COBL: variants seen among roughly 807,000 people sequenced by gnomAD.
COBL encodes protein cordon-bleu.
In COBL, 51 loss-of-function variants were observed where a neutral mutation model predicts 98.8. The ratio of observed to expected loss-of-function variants is 0.52; its 90% CI spans 0.41 to 0.65. The LOEUF (loss-of-function observed/expected upper bound fraction) is 0.65. Ranked by LOEUF, COBL falls within the 30% of genes least tolerant of loss-of-function variation. COBL has a pLI of 0.00. For missense variants in COBL, 1,617 were observed against 1,617.5 expected (o/e 1.00, Z 0.01); for synonymous variants, 634 against 651.7 (o/e 0.97, Z 0.41).
At chr7:51,095,217 TG>T (rs1244761207) in intron 6 of COBL, among the ~76,000 whole-genome samples, 13 of 152,188 alleles carry the variant, frequency 8.5e-5, no homozygotes, top group Admixed American at 6.5e-4. Context: ...AGACAGCATG[TG>T]CAGGGGAACT....
At chr7:51,254,518 G>A (rs1421710501) in intron 1 of COBL, among the ~76,000 whole-genome samples, 1 of 152,056 alleles carries the variant, frequency 6.6e-6, no homozygotes, top group Non-Finnish European at 1.5e-5. Context: ...ACAACATCCT[G>A]GTAATGTGCA....
Position 51,017,312 on chromosome 7 carries a change from CTT to C in COBL, c.*237_*238del. 1 of 597,478 alleles carries C rather than the reference CTT, an allele frequency of 1.7e-6. No individual in the cohort carries two copies. Among genetic ancestry groups the C allele is most frequent in the Non-Finnish European group, 3.0e-6 (1 of 335,082 alleles). 37.0% of individuals were successfully genotyped at this position (597,478 alleles called of 1,614,324 possible). A position where few individuals can be genotyped will look rare whatever the true frequency, so the allele number is the denominator to read the frequency against. ...GCCAACAAGAATCGTTTATTAGCAACTTAAGATATTCAGAGGCAAAACACATT... is the reference window on the plus strand; with the variant it reads ...GCCAACAAGAATCGTTTATTAGCAACAAGATATTCAGAGGCAAAACACATT... On this transcript the variant is annotated 3_prime_UTR_variant, in exon 13 of 13. Transcript: ENST00000265136.
intron 7 of COBL, among the ~76,000 whole-genome samples, chr7:51,074,875 A>G (rs1792909104): frequency 6.6e-6 from 1 of 152,242 alleles, no homozygotes; most frequent in African/African-American, 2.4e-5. Context: ...TAAGTAGCAC[A>G]AAATTTATAA....
At chr7:51,201,781 G>A (rs1791153025) in intron 2 of COBL, among the ~76,000 whole-genome samples, 1 of 151,840 alleles carries the variant, frequency 6.6e-6, no homozygotes, top group South Asian at 2.1e-4. Flanking sequence ...ATAATGGAAT[G>A]ACATTAGCAA....
intron 12 of COBL, among the ~76,000 whole-genome samples, chr7:51,023,703 C>T (rs377067994): frequency 2.0e-5 from 3 of 152,204 alleles, no homozygotes; most frequent in Non-Finnish European, 4.4e-5. Flanking sequence ...CTCAGTGCCC[C>T]GAGGCTTCTG....
chr7:51,136,336 TG>T lies in COBL; in HGVS notation c.784-6del, dbSNP rs1799239622. 8.7e-6 allele frequency: 14 copies of T among 1,608,452 alleles called. No individual in the cohort carries two copies. Among genetic ancestry groups the T allele is most frequent in the Non-Finnish European group, 1.2e-5 (14 of 1,178,056 alleles). On this transcript the variant is annotated splice_polypyrimidine_tract_variant and splice_region_variant and intron_variant, in intron 5 of 12. Transcript: ENST00000265136. ...GTTGGGGGTCGTTAAACAGCCCTGTTGGGGAAGAGACAAACAGAAAACCAAA... is the reference window on the plus strand; with the variant it reads ...GTTGGGGGTCGTTAAACAGCCCTGTTGGGAAGAGACAAACAGAAAACCAAA...
At chr7:51,198,494 T>A (rs1440679529) in intron 2 of COBL, among the ~76,000 whole-genome samples, 2 of 152,206 alleles carry the variant, frequency 1.3e-5, no homozygotes, top group Non-Finnish European at 2.9e-5. Flanking sequence ...TTAGGAGGGA[T>A]CTTCTTGTGA....
At chr7:51,046,652 G>A (rs1177338865) in intron 7 of COBL, among the ~76,000 whole-genome samples, 3 of 151,964 alleles carry the variant, frequency 2.0e-5, no homozygotes, top group African/African-American at 7.3e-5. Context: ...AATGCTAAAC[G>A]GAAACTCAGA....
At chr7:51,252,994 G>A (rs1013850863) in intron 1 of COBL, among the ~76,000 whole-genome samples, 4 of 152,026 alleles carry the variant, frequency 2.6e-5, no homozygotes, top group Non-Finnish European at 4.4e-5. Flanking sequence ...AGGCCGAGGC[G>A]GGCAGATCAC....
chr7:51,242,158 A>G, intron 1 of COBL, among the ~76,000 whole-genome samples: 1 of 152,168 alleles, frequency 6.6e-6, no homozygotes, highest in Non-Finnish European at 1.5e-5. Context: ...AGAAGTTTGC[A>G]TAGGGTGTAA....
chr7:51,261,448 T>C (rs926731052), intron 1 of COBL, among the ~76,000 whole-genome samples: 2 of 152,188 alleles, frequency 1.3e-5, no homozygotes, highest in Admixed American at 6.5e-5. Flanking sequence ...ACAGTAAATA[T>C]CTGTGCAATG....
In COBL at chr7:51,065,684, C is replaced by T. The variant is rs575730313; in HGVS notation, c.1096+19482G>A. Among the ~76,000 whole-genome samples the T allele has an allele frequency of 1.5e-3, 222 of 152,360 alleles. 1 individual carries two copies. Among genetic ancestry groups the T allele is most frequent in the South Asian group, 4.1e-3 (20 of 4,832 alleles). On this transcript the variant is annotated intron_variant, in intron 7 of 12. Coordinates refer to ENST00000265136, the MANE Select transcript of COBL (RefSeq NM_015198.5). The stretch of plus-strand genomic sequence containing the variant: ...ACAACAGAAGCTCTCCAGCCTCTGT[C>T]GTCATCAGCACACAGGCTAATGCAC...
rs377715157 is a variant in COBL at position 51,125,435 on chromosome 7, G to A, written c.957+10723C>T. 1.5e-4 allele frequency among the ~76,000 whole-genome samples: 23 copies of A among 152,222 alleles called. No individual in the cohort carries two copies. The East Asian group carries it at 1.7e-3, about 11-fold the overall frequency. ...TTTCTGTTGAAACCACCCAGTCGGC[G>A]GTATTTAGGTTTTGGCAGCCCTAGA... On this transcript the variant is annotated intron_variant, in intron 6 of 12. Coordinates refer to ENST00000265136, the MANE Select transcript of COBL (RefSeq NM_015198.5).
intron 7 of COBL, chr7:51,083,088 C>A: frequency 6.5e-7 from 1 of 1,535,542 alleles, no homozygotes. Context: ...GCCTCGGAAC[C>A]AGCGCCTTCC....
intron 1 of COBL, chr7:51,260,012 C>A: frequency 1.3e-6 from 1 of 765,626 alleles, no homozygotes; most frequent in Non-Finnish European, 2.3e-6. Context: ...AGGAATGATT[C>A]CAGTCGTTTA....
At chr7:51,058,588 A>AACAACG (rs1791004691) in intron 7 of COBL, among the ~76,000 whole-genome samples, 1 of 147,818 alleles carries the variant, frequency 6.8e-6, no homozygotes. Flanking sequence ...CAACAACAAC[A>AACAACG]CAACCCCCCA....
chr7:51,056,421 GC>G (rs1790755182), intron 7 of COBL, among the ~76,000 whole-genome samples: 2 of 152,086 alleles, frequency 1.3e-5, no homozygotes, highest in African/African-American at 2.4e-5. Context: ...GGGGAAATGA[GC>G]CCTCATCAAT....
At chr7:51,200,286 C>T (rs1790994735) in intron 2 of COBL, among the ~76,000 whole-genome samples, 2 of 152,146 alleles carry the variant, frequency 1.3e-5, no homozygotes, top group African/African-American at 4.8e-5. Context: ...TGATAAACAG[C>T]ATCATGAAAG....
chr7:51,098,533 G>A (rs1164947876), intron 6 of COBL, among the ~76,000 whole-genome samples: 1 of 152,010 alleles, frequency 6.6e-6, no homozygotes, highest in African/African-American at 2.4e-5. Context: ...TTCAACAAAT[G>A]GTGTTTGGAA....
Sources: allele counts gnomAD v4.1 joint callset (sites outside exome capture counted in the v4.1 genomes callset), GRCh38; gene constraint gnomAD v4.1.1; transcripts MANE v1.5; gene names NCBI Gene and HGNC (gene_info 2026-07-23, HGNC 2026-07-21).